The following EPHA6 variants were observed in gnomAD, a reference collection of about 807,000 sequenced individuals.
EPHA6 encodes the protein EPH receptor A6.
EPHA6 carries 50 observed loss-of-function variants against 112.0 expected under a neutral mutation model. The observed-to-expected ratio is 0.45, with a 90% CI of 0.36 to 0.56. EPHA6 has a LOEUF of 0.56. Among genes scored for constraint, EPHA6 ranks in the 20% least tolerant of loss-of-function variants. The pLI is 0.00. For synonymous variants in EPHA6, 529 were observed against 490.7 expected, an observed-to-expected ratio of 1.08 and a Z score of -1.03; for missense variants, 1,280 against 1,417.4, an observed-to-expected ratio of 0.90 and a Z score of 1.56.
At chr3:97,058,967 A>G (rs1041672926) in intron 3 of EPHA6, among the ~76,000 whole-genome samples, 2 of 152,170 alleles carry the variant, frequency 1.3e-5, no homozygotes, top group African/African-American at 4.8e-5. Context: ...TATTCATTCT[A>G]CAACTGGGGC....
intron 5 of EPHA6, among the ~76,000 whole-genome samples, chr3:97,398,700 A>T (rs187419144): frequency 2.0e-5 from 3 of 151,616 alleles, no homozygotes; most frequent in Non-Finnish European, 3.0e-5. Context: ...GTTACCCAAG[A>T]GTAGTCTCTC....
chr3:96,874,527 A>C (rs575398953), intron 2 of EPHA6, among the ~76,000 whole-genome samples: 1 of 152,130 alleles, frequency 6.6e-6, no homozygotes, highest in East Asian at 1.9e-4. Flanking sequence ...ATTACATTTG[A>C]AATGATAGAG....
intron 1 of EPHA6, among the ~76,000 whole-genome samples, chr3:96,825,410 T>TA (rs936593401): frequency 2.0e-5 from 3 of 151,904 alleles, no homozygotes; most frequent in African/African-American, 7.2e-5. Context: ...TAGATGAACA[T>TA]AAAATTGACA....
Position 96,886,902 on chromosome 3 carries a change from A to G in EPHA6, c.450+20013A>G, listed in dbSNP as rs138583934. Among the ~76,000 whole-genome samples, 446 of 152,218 alleles carry G rather than the reference A, an allele frequency of 2.9e-3. 4 individuals are homozygous for G. The highest frequency in any genetic ancestry group is 9.8e-3 in the African/African-American group (408 of 41,524). ...GCTGAGACTTTCCAGAGCATTTTGC[A>G]TTTCTAAAAGTGTGTCCAAAGTTTC... On this transcript the variant is annotated intron_variant, in intron 2 of 17. Transcript: ENST00000389672.
chr3:97,527,975 T>C (rs2092646214), intron 10 of EPHA6, among the ~76,000 whole-genome samples: 1 of 152,138 alleles, frequency 6.6e-6, no homozygotes, highest in African/African-American at 2.4e-5. Context: ...AAGCCAATAA[T>C]ATTGGGCCTT....
chr3:97,119,059 T>C (rs905527945), intron 3 of EPHA6, among the ~76,000 whole-genome samples: 6 of 151,966 alleles, frequency 3.9e-5, no homozygotes, highest in Non-Finnish European at 7.4e-5. Flanking sequence ...TATATATCTT[T>C]GGGCCCAGCT....
At chr3:96,976,903 G>T (rs915866695) in intron 2 of EPHA6, among the ~76,000 whole-genome samples, 2 of 152,172 alleles carry the variant, frequency 1.3e-5, no homozygotes, top group African/African-American at 4.8e-5. Context: ...CTGTGACACT[G>T]GTGTGCTCAG....
intron 6 of EPHA6, among the ~76,000 whole-genome samples, chr3:97,407,277 A>G (rs13314926): frequency 0.044 from 6,720 of 151,926 alleles, 442 homozygotes; most frequent in African/African-American, 0.15. Context: ...ACTGTTATAT[A>G]GATAAATTAT....
At chr3:97,058,352 C>T (rs79461849) in intron 3 of EPHA6, among the ~76,000 whole-genome samples, 3 of 151,832 alleles carry the variant, frequency 2.0e-5, no homozygotes, top group African/African-American at 7.3e-5. Context: ...GGCTGAAGTA[C>T]AACGGCGTGA....
At chr3:96,839,509 C>T (rs539943110) in intron 1 of EPHA6, among the ~76,000 whole-genome samples, 90 of 152,094 alleles carry the variant, frequency 5.9e-4, no homozygotes, top group Non-Finnish European at 1.1e-3. Context: ...GACCGCTGCC[C>T]TAAAGACCTA....
At chr3:97,034,725 C>G (rs2045016863) in intron 3 of EPHA6, among the ~76,000 whole-genome samples, 1 of 151,882 alleles carries the variant, frequency 6.6e-6, no homozygotes, top group Non-Finnish European at 1.5e-5. Flanking sequence ...AAGCAGTCTA[C>G]TGAAATGGTT....
At chr3:97,042,233 A>AGATCTGGTC (rs777140006) in intron 3 of EPHA6, among the ~76,000 whole-genome samples, 5 of 151,856 alleles carry the variant, frequency 3.3e-5, no homozygotes, top group Non-Finnish European at 7.4e-5. Flanking sequence ...AGTTCTTAGG[A>AGATCTGGTC]GATCTGGTCG....
chr3:96,973,014 C>T (rs562976617), intron 2 of EPHA6, among the ~76,000 whole-genome samples: 9 of 152,186 alleles, frequency 5.9e-5, no homozygotes, highest in Admixed American at 3.3e-4. Flanking sequence ...TTATTTTGTT[C>T]TCCAAGAAAA....
At chr3:97,561,422 T>A (rs1226129103) in intron 11 of EPHA6, among the ~76,000 whole-genome samples, 1 of 152,048 alleles carries the variant, frequency 6.6e-6, no homozygotes, top group East Asian at 1.9e-4. Context: ...CTGATAGGGA[T>A]AAAGTTTTAG....
intron 5 of EPHA6, among the ~76,000 whole-genome samples, chr3:97,299,565 T>C (rs1002315156): frequency 2.6e-5 from 4 of 152,150 alleles, no homozygotes; most frequent in African/African-American, 9.7e-5. Flanking sequence ...CTTATTGTTG[T>C]TTATTTTTAT....
intron 6 of EPHA6, among the ~76,000 whole-genome samples, chr3:97,436,693 C>T (rs933250252): frequency 7.9e-5 from 12 of 152,262 alleles, no homozygotes; most frequent in African/African-American, 2.9e-4. Context: ...CAATTTCACT[C>T]TAGTGAAAAT....
intron 14 of EPHA6, among the ~76,000 whole-genome samples, chr3:97,662,921 C>T (rs918999304): frequency 6.6e-6 from 1 of 152,160 alleles, no homozygotes; most frequent in African/African-American, 2.4e-5. Context: ...CTTGTCGAGG[C>T]CACCCTAAAG....
At chr3:97,050,415 G>T (rs1445510440) in intron 3 of EPHA6, among the ~76,000 whole-genome samples, 1 of 152,148 alleles carries the variant, frequency 6.6e-6, no homozygotes, top group Non-Finnish European at 1.5e-5. Context: ...GACTCGGGCT[G>T]GGATGTGTGT....
At chr3:96,922,464 T>C (rs1378586605) in intron 2 of EPHA6, among the ~76,000 whole-genome samples, 1 of 152,156 alleles carries the variant, frequency 6.6e-6, no homozygotes, top group Non-Finnish European at 1.5e-5. Context: ...ATTTTTCAGA[T>C]AGCATTAAAA....
Sources: gnomAD v4.1 joint callset for allele counts (sites outside exome capture counted in the v4.1 genomes callset) on GRCh38, gnomAD v4.1.1 for gene constraint, MANE v1.5 for transcripts, NCBI Gene and HGNC (gene_info 2026-07-23, HGNC 2026-07-21) for gene names.